The following ELAPOR1 variants were observed in gnomAD, a reference collection of about 807,000 sequenced individuals.
ELAPOR1 encodes the protein endosome-lysosome associated apoptosis and autophagy regulator 1, also known as endosome/lysosome-associated apoptosis and autophagy regulator 1.
Under a neutral mutation model 119.7 loss-of-function variants are expected in ELAPOR1, and 77 were observed. That is an observed-to-expected ratio of 0.64 (90% CI 0.54 to 0.78). The LOEUF (loss-of-function observed/expected upper bound fraction) is 0.78. Among genes scored for constraint, ELAPOR1 ranks in the 30% least tolerant of loss-of-function variants. The probability of loss-of-function intolerance (pLI) is 0.00; values close to 1 mark genes in which losing one functional copy is unlikely to be tolerated. For missense variants in ELAPOR1, 1,115 were observed against 1,270.4 expected (o/e 0.88, Z 1.86); for synonymous variants, 481 against 487.2 (o/e 0.99, Z 0.17).
chr1:109,191,433 A>G lies in ELAPOR1; in HGVS notation c.1507A>G (p.Thr503Ala), dbSNP rs369088866. ...EVARITFVFE[T>A]LCSVNCELYF... ...GGCCAGAATCACATTTGTCTTTGAG[A>G]CCCTCTGTTCTGTGAACTGTGAGCT... The change falls in exon 12 of 22, where the codon ACC becomes GCC. Residue 503 changes from threonine to alanine, a missense_variant. Physicochemically the swap from Thr to Ala is moderately conservative, Grantham distance 58. Transcript: ENST00000369939. The G allele has an allele frequency of 6.3e-5, 102 of 1,613,724 alleles. 1 individual carries two copies. The East Asian group carries it at 1.1e-3, about 18-fold the overall frequency.
chr1:109,185,762 G>T (rs994913071), intron 8 of ELAPOR1, among the ~76,000 whole-genome samples: 1 of 152,136 alleles, frequency 6.6e-6, no homozygotes, highest in East Asian at 1.9e-4. Context: ...GGAGAAAAAC[G>T]GGCCCAGTCA....
intron 8 of ELAPOR1, chr1:109,186,833 T>C (rs748015637): frequency 1.5e-5 from 15 of 985,432 alleles, no homozygotes; most frequent in Non-Finnish European, 1.8e-5. Context: ...GTCAGTACCG[T>C]GCTTGCTGCC....
chr1:109,177,215 G>T (rs1270406061), intron 7 of ELAPOR1, among the ~76,000 whole-genome samples: 1 of 149,744 alleles, frequency 6.7e-6, no homozygotes. Context: ...CCTGGACGGG[G>T]CGGCTGGCCG....
Position 109,191,399 on chromosome 1 carries a change from T to C in ELAPOR1, c.1473T>C (p.Asn491=). ...PPQSVMADTE[N]KEVARITFVF... ...AGTCGGTGATGGCAGACACAGAGAA[T>C]AAAGAGGTGGCCAGAATCACATTTG... is the stretch of plus-strand genomic sequence containing the variant. The change falls in exon 12 of 22, where the codon AAT becomes AAC. Residue 491 remains asparagine (N), a synonymous_variant. Transcript: ENST00000369939. 1 of 1,614,158 alleles carries C rather than the reference T, an allele frequency of 6.2e-7. No individual in the cohort carries two copies. Among genetic ancestry groups the C allele is most frequent in the South Asian group, 1.1e-5 (1 of 91,082 alleles).
At chr1:109,200,287 A>G (rs758083616) in intron 20 of ELAPOR1, 50 bp downstream of exon 20, 1 of 1,579,532 alleles carries the variant, frequency 6.3e-7, no homozygotes, top group Non-Finnish European at 8.7e-7. Context: ...TGGATTATTG[A>G]TCAGGGAGAA....
chr1:109,181,018 C>CT lies in ELAPOR1; in HGVS notation c.953-4027_953-4026insT, dbSNP rs1374805540. ...TGGTACAGGTAACACTCATAAGTCA[C>CT]GTGTATAGTACTCTCCAATTGACAA... On this transcript the variant is annotated intron_variant, in intron 7 of 21. Transcript: ENST00000369939. 3.9e-5 allele frequency among the ~76,000 whole-genome samples: 6 copies of CT among 152,126 alleles called. No homozygotes were observed. The East Asian group carries it at 1.2e-3, about 29-fold the overall frequency.
intron 1 of ELAPOR1, among the ~76,000 whole-genome samples, chr1:109,121,416 G>C (rs1048209004): frequency 1.3e-5 from 2 of 152,228 alleles, no homozygotes; most frequent in Non-Finnish European, 2.9e-5. Context: ...CAAAGTGCGT[G>C]AGCCACTGTG....
intron 1 of ELAPOR1, among the ~76,000 whole-genome samples, chr1:109,144,061 A>ATATATATATATATATATTTTTTTTTTTT: frequency 2.2e-5 from 2 of 89,018 alleles, no homozygotes; most frequent in African/African-American, 9.6e-5. Context: ...ATATTTATAT[A>ATATATATATATATATATTTTTTTTTTTT]TTTTTTTTTT....
intron 1 of ELAPOR1, among the ~76,000 whole-genome samples, chr1:109,150,442 C>A (rs960690520): frequency 1.3e-5 from 2 of 152,188 alleles, no homozygotes; most frequent in Non-Finnish European, 2.9e-5. Flanking sequence ...CAAAGGCCGG[C>A]AGGACTGGGG....
In ELAPOR1 at chr1:109,204,169, C is replaced by G. The variant is rs899573638; in HGVS notation, c.*1157C>G. On this transcript the variant is annotated 3_prime_UTR_variant, in exon 22 of 22. Transcript: ENST00000369939. ...AACTCCTGGGCTCAAGTGATCTGTC[C>G]GCCTCAGCCTCCCAAACTGCTGGGA... is the stretch of plus-strand genomic sequence containing the variant. 6.6e-6 allele frequency: 1 copy of G among 152,208 alleles called. No individual in the cohort carries two copies. Among genetic ancestry groups the G allele is most frequent in the Non-Finnish European group, 1.5e-5 (1 of 68,082 alleles). 9.4% of individuals were successfully genotyped at this position (152,208 alleles called of 1,614,324 possible).
intron 11 of ELAPOR1, among the ~76,000 whole-genome samples, chr1:109,190,598 A>G (rs764654038): frequency 5.3e-5 from 8 of 152,184 alleles, no homozygotes; most frequent in Non-Finnish European, 1.0e-4. Flanking sequence ...CTTAACACAC[A>G]TTACTCAGAG....
chr1:109,160,432 C>T (rs1651177838), intron 1 of ELAPOR1, among the ~76,000 whole-genome samples: 1 of 152,062 alleles, frequency 6.6e-6, no homozygotes, highest in Non-Finnish European at 1.5e-5. Context: ...TCCCTTAAAA[C>T]ATAACACAAT....
chr1:109,184,105 C>T (rs776907255), intron 7 of ELAPOR1, among the ~76,000 whole-genome samples: 42 of 152,058 alleles, frequency 2.8e-4, no homozygotes, highest in Non-Finnish European at 5.0e-4. Flanking sequence ...GGCACGGTGG[C>T]TCACCCCTGT....
intron 1 of ELAPOR1, among the ~76,000 whole-genome samples, chr1:109,147,755 T>C (rs1312131800): frequency 6.6e-6 from 1 of 151,964 alleles, no homozygotes; most frequent in Non-Finnish European, 1.5e-5. Flanking sequence ...GCTGTGAACA[T>C]AAAACTGCTC....
chr1:109,196,972 C>T (rs1410060056), intron 15 of ELAPOR1, among the ~76,000 whole-genome samples: 1 of 152,136 alleles, frequency 6.6e-6, no homozygotes, highest in Non-Finnish European at 1.5e-5. Flanking sequence ...TGAGTCACTG[C>T]ACCCAGCCAG....
chr1:109,189,654 A>AT lies in ELAPOR1; in HGVS notation c.1413dup (p.Leu472SerfsTer9). ...TGGAGCCTCAGACAATGACTTCATGATTCTCACTCTGGTTGTGCCAGGATT... is the reference window on the plus strand; with the variant it reads ...TGGAGCCTCAGACAATGACTTCATGATTTCTCACTCTGGTTGTGCCAGGATT... On this transcript the variant is annotated frameshift_variant, in exon 11 of 22. Transcript: ENST00000369939. LOFTEE classifies it high-confidence loss of function. 6.2e-7 allele frequency: 1 copy of AT among 1,614,140 alleles called. No individual in the cohort carries two copies. Among genetic ancestry groups the AT allele is most frequent in the Non-Finnish European group, 8.5e-7 (1 of 1,180,012 alleles).
chr1:109,173,431 T>C, intron 5 of ELAPOR1, 43 bp from the exon 6 acceptor site: 1 of 1,552,930 alleles, frequency 6.4e-7, no homozygotes, highest in Non-Finnish European at 8.9e-7. Context: ...ATTAGCGAGA[T>C]TTTTCTCTGT....
At chr1:109,183,281 A>G (rs1652811028) in intron 7 of ELAPOR1, among the ~76,000 whole-genome samples, 1 of 139,256 alleles carries the variant, frequency 7.2e-6, no homozygotes, top group Non-Finnish European at 1.5e-5. Flanking sequence ...GCCTGAAGCC[A>G]GGAGCTCAAG....
chr1:109,157,157 C>A (rs1483515614), intron 1 of ELAPOR1, among the ~76,000 whole-genome samples: 1 of 152,084 alleles, frequency 6.6e-6, no homozygotes, highest in Admixed American at 6.6e-5. Context: ...TGCTGTGCCC[C>A]AGACACAGTA....
Sources: allele counts gnomAD v4.1 joint callset (sites outside exome capture counted in the v4.1 genomes callset), GRCh38; gene constraint gnomAD v4.1.1; transcripts MANE v1.5; gene names NCBI Gene and HGNC (gene_info 2026-07-23, HGNC 2026-07-21).